CDH12: variants seen among roughly 807,000 people sequenced by gnomAD.
CDH12 encodes the protein cadherin 12.
CDH12 carries 41 observed loss-of-function variants against 74.1 expected under a neutral mutation model. That is an observed-to-expected ratio of 0.55 (90% CI 0.43 to 0.72). The LOEUF is 0.72. Among genes scored for constraint, CDH12 ranks in the 30% least tolerant of loss-of-function variants. The probability of loss-of-function intolerance (pLI) is 0.00; values close to 1 mark genes in which losing one functional copy is unlikely to be tolerated. For missense variants in CDH12, 945 were observed against 977.2 expected (o/e 0.97, Z 0.44); for synonymous variants, 399 against 355.0 (o/e 1.12, Z -1.39).
At chr5:22,059,254 T>C (rs567785911) in intron 5 of CDH12, among the ~76,000 whole-genome samples, 68 of 25,664 alleles carry the variant, frequency 2.6e-3, no homozygotes, top group African/African-American at 0.011. Flanking sequence ...TTCCTTGTAC[T>C]CTATCTATCT....
At chr5:22,437,395 T>C (rs1431296035) in intron 2 of CDH12, among the ~76,000 whole-genome samples, 1 of 151,862 alleles carries the variant, frequency 6.6e-6, no homozygotes, top group Non-Finnish European at 1.5e-5. Flanking sequence ...TTGATTCTAA[T>C]ATTACTTAAT....
intron 6 of CDH12, among the ~76,000 whole-genome samples, chr5:21,862,491 G>A (rs2150009277): frequency 6.6e-6 from 1 of 152,208 alleles, no homozygotes; most frequent in East Asian, 1.9e-4. Flanking sequence ...CACAGTTTCA[G>A]TTAAAGTAGT....
chr5:22,083,621 G>A (rs1396277051), intron 4 of CDH12, among the ~76,000 whole-genome samples: 1 of 152,140 alleles, frequency 6.6e-6, no homozygotes, highest in Non-Finnish European at 1.5e-5. Flanking sequence ...TAACAGCCCT[G>A]TGAAGGAGGT....
At position 21,788,150 on chromosome 5, in the gene CDH12, A is replaced by G. The variant is rs570444993; in HGVS notation, c.1257-4656T>C. Among the ~76,000 whole-genome samples, 10 of 152,294 alleles carry G rather than the reference A, an allele frequency of 6.6e-5. No homozygotes were observed. In the South Asian group the frequency reaches 2.1e-3, roughly 32 times the overall value. On this transcript the variant is annotated intron_variant, in intron 10 of 14. Transcript: ENST00000382254. ...ACTTTAGTTGGGAAGACATGTATAA[A>G]CAGACTGTTTCAATGCCTGAAAGAG... is the stretch of plus-strand genomic sequence containing the variant.
In CDH12 at chr5:22,298,726, C is replaced by T. The variant is rs905133112; in HGVS notation, c.-332-86083G>A. The stretch of plus-strand genomic sequence containing the variant: ...TACCTCCTAGCTGCCAAGATACTTG[C>T]TATGGAATGAAACAAAACAGGAAGA... On this transcript the variant is annotated intron_variant, in intron 3 of 14. Coordinates refer to ENST00000382254, the MANE Select transcript of CDH12 (RefSeq NM_004061.5). 4.6e-5 allele frequency among the ~76,000 whole-genome samples: 7 copies of T among 152,048 alleles called. 1 individual carries two copies. Among genetic ancestry groups the T allele is most frequent in the Admixed American group, 4.6e-4 (7 of 15,260 alleles).
intron 1 of CDH12, among the ~76,000 whole-genome samples, chr5:22,687,333 T>C (rs1741859995): frequency 6.6e-6 from 1 of 152,064 alleles, no homozygotes; most frequent in South Asian, 2.1e-4. Context: ...AATGATAAAA[T>C]AATTTTATTC....
chr5:22,176,515 C>A (rs1285290178), intron 4 of CDH12, among the ~76,000 whole-genome samples: 2 of 152,028 alleles, frequency 1.3e-5, no homozygotes, highest in African/African-American at 2.4e-5. Flanking sequence ...GTTTCTCATA[C>A]CAAATGCTAG....
chr5:22,213,979 G>A (rs966637359), intron 3 of CDH12, among the ~76,000 whole-genome samples: 8 of 151,706 alleles, frequency 5.3e-5, no homozygotes, highest in African/African-American at 7.3e-5. Flanking sequence ...GAGGAAGAGC[G>A]AGAAGCTATA....
chr5:22,843,200 G>A (rs1161509945), intron 1 of CDH12, among the ~76,000 whole-genome samples: 1 of 152,030 alleles, frequency 6.6e-6, no homozygotes, highest in Non-Finnish European at 1.5e-5. Flanking sequence ...GTAGCTCTCT[G>A]TGAATCCACA....
At chr5:22,739,310 A>AAATTT (rs201784917) in intron 1 of CDH12, among the ~76,000 whole-genome samples, 34,284 of 145,680 alleles carry the variant, frequency 0.24, 4,304 homozygotes, top group South Asian at 0.31. Flanking sequence ...TGAATTTAAA[A>AAATTT]ATTTTACTTT....
At chr5:22,050,725 G>C (rs1031751926) in intron 5 of CDH12, among the ~76,000 whole-genome samples, 1 of 152,030 alleles carries the variant, frequency 6.6e-6, no homozygotes, top group African/African-American at 2.4e-5. Flanking sequence ...AAAAAATTGA[G>C]GAAATTACAG....
intron 6 of CDH12, among the ~76,000 whole-genome samples, chr5:21,950,393 CA>C (rs1755797048): frequency 6.6e-6 from 1 of 151,894 alleles, no homozygotes; most frequent in Non-Finnish European, 1.5e-5. Flanking sequence ...TTACGTAACC[CA>C]TTGGAAAGCA....
intron 1 of CDH12, among the ~76,000 whole-genome samples, chr5:22,779,703 T>A (rs898767102): frequency 6.6e-6 from 1 of 152,154 alleles, no homozygotes. Flanking sequence ...CTCTTTTACA[T>A]GCGTTCTAAC....
chr5:22,464,739 C>T (rs570824289), intron 2 of CDH12, among the ~76,000 whole-genome samples: 26 of 152,190 alleles, frequency 1.7e-4, no homozygotes, highest in Non-Finnish European at 3.2e-4. Flanking sequence ...CGGTGGCTCA[C>T]GCCTGTAATC....
chr5:22,327,469 T>TGTGTGG (rs1554032022), intron 3 of CDH12, among the ~76,000 whole-genome samples: 1 of 149,000 alleles, frequency 6.7e-6, no homozygotes, highest in African/African-American at 2.5e-5. Flanking sequence ...TGTGTGTGTG[T>TGTGTGG]GCATCTGTGT....
intron 6 of CDH12, among the ~76,000 whole-genome samples, chr5:21,891,206 G>A (rs774679957): frequency 2.0e-4 from 30 of 152,018 alleles, no homozygotes; most frequent in Non-Finnish European, 3.1e-4. Flanking sequence ...TTGAGATAAA[G>A]TAGAACTAGA....
intron 4 of CDH12, among the ~76,000 whole-genome samples, chr5:22,138,875 T>TATATATATAC (rs1256794399): frequency 1.5e-4 from 20 of 137,692 alleles, no homozygotes; most frequent in African/African-American, 4.5e-4. Context: ...TATATATATA[T>TATATATATAC]ACATGTTGGA....
chr5:21,887,004 CAT>C (rs1202520967), intron 6 of CDH12, among the ~76,000 whole-genome samples: 1 of 152,084 alleles, frequency 6.6e-6, no homozygotes, highest in East Asian at 1.9e-4. Context: ...TTATTATCAA[CAT>C]GTGTTGTGAT....
chr5:22,584,407 A>AT (rs897649997), intron 1 of CDH12, among the ~76,000 whole-genome samples: 43 of 152,062 alleles, frequency 2.8e-4, no homozygotes, highest in East Asian at 2.1e-3. Context: ...GAAGGAATTT[A>AT]TTTTTTTTAA....
Sources: gnomAD v4.1 joint callset for allele counts (sites outside exome capture counted in the v4.1 genomes callset) on GRCh38, gnomAD v4.1.1 for gene constraint, MANE v1.5 for transcripts, NCBI Gene and HGNC (gene_info 2026-07-23, HGNC 2026-07-21) for gene names.